Variants in MTFR1 observed in about 807,000 individuals in gnomAD.
MTFR1 encodes the protein chondrocyte protein with a poly-proline region.
A neutral mutation model predicts 38.8 loss-of-function variants in MTFR1; 28 were observed. The observed-to-expected ratio is 0.72, with a 90% confidence interval of 0.53 to 0.99. The LOEUF (loss-of-function observed/expected upper bound fraction) is 0.99, where lower values mean the gene tolerates loss of function less well. Among genes scored for constraint, MTFR1 ranks in the 50% least tolerant of loss-of-function variants. The probability of loss-of-function intolerance (pLI) is 0.00; values close to 1 mark genes in which losing one functional copy is unlikely to be tolerated. For missense variants in MTFR1, 358 were observed against 395.5 expected, an observed-to-expected ratio of 0.91 and a Z score of 0.81; for synonymous variants, 145 against 137.0, an observed-to-expected ratio of 1.06 and a Z score of -0.41.
intron 3 of MTFR1, among the ~76,000 whole-genome samples, chr8:65,688,887 G>A (rs1479612220): frequency 1.3e-5 from 2 of 152,028 alleles, no homozygotes; most frequent in African/African-American, 2.4e-5. Flanking sequence ...GCTCACACCT[G>A]TAATCCCAGC....
Position 65,655,969 on chromosome 8 carries a change from C to CATATATATATATATATA in MTFR1, c.-81+11185_-81+11186insATATATATATATATATA. Among the ~76,000 whole-genome samples, 87 of 56,472 alleles carry CATATATATATATATATA rather than the reference C, an allele frequency of 1.5e-3. 15 individuals are homozygous for CATATATATATATATATA. The highest frequency in any genetic ancestry group is 8.2e-3 in the African/African-American group (81 of 9,848). The allele number at this position is 56,472 out of a possible 152,430, so 37.0% of individuals were successfully genotyped here. A position where few individuals can be genotyped will look rare whatever the true frequency, so the allele number is the denominator to read the frequency against. On this transcript the variant is annotated intron_variant, in intron 1 of 7. Coordinates refer to ENST00000262146, the MANE Select transcript of MTFR1 (RefSeq NM_014637.4). The stretch of plus-strand genomic sequence containing the variant: ...AAAAAAAAATATATATATATATATA[C>CATATATATATATATATA]CATATATATATATATGGTAGTGGGT...
intron 3 of MTFR1, among the ~76,000 whole-genome samples, chr8:65,759,757 CCT>C (rs1346688067): frequency 6.6e-6 from 1 of 152,044 alleles, no homozygotes; most frequent in Non-Finnish European, 1.5e-5. Flanking sequence ...CATCCCAAAC[CCT>C]CTCTTTTGCT....
intron 3 of MTFR1, among the ~76,000 whole-genome samples, chr8:65,749,261 T>C (rs749668621): frequency 6.6e-6 from 1 of 152,228 alleles, no homozygotes; most frequent in Non-Finnish European, 1.5e-5. Flanking sequence ...CAAAGCCTAA[T>C]AGTAATGCAA....
chr8:65,729,038 ATAT>A (rs1163596591), intron 3 of MTFR1, among the ~76,000 whole-genome samples: 5 of 152,328 alleles, frequency 3.3e-5, no homozygotes, highest in African/African-American at 1.2e-4. Context: ...AAAATTTTCA[ATAT>A]TATAACAAAG....
intron 1 of MTFR1, among the ~76,000 whole-genome samples, chr8:65,660,744 T>C (rs1277045151): frequency 6.6e-6 from 1 of 152,194 alleles, no homozygotes; most frequent in Non-Finnish European, 1.5e-5. Context: ...ATACACTGTT[T>C]AAGAAAGGAG....
chr8:65,650,311 A>G (rs901589318), intron 1 of MTFR1, among the ~76,000 whole-genome samples: 30 of 146,150 alleles, frequency 2.1e-4, no homozygotes, highest in African/African-American at 7.1e-4. Context: ...AGCTGGGATT[A>G]CAGGCGCCCA....
intron 1 of MTFR1, among the ~76,000 whole-genome samples, chr8:65,664,035 C>T (rs1355035376): frequency 2.0e-5 from 3 of 152,010 alleles, no homozygotes; most frequent in East Asian, 1.9e-4. Context: ...AGGCTGGTCT[C>T]GAACTCCTGA....
At chr8:65,677,212 G>A (rs1218026706) in intron 2 of MTFR1, among the ~76,000 whole-genome samples, 2 of 151,108 alleles carry the variant, frequency 1.3e-5, no homozygotes, top group Non-Finnish European at 2.9e-5. Flanking sequence ...TGGGACTACA[G>A]GCGTGTGCCA....
chr8:65,664,549 T>C (rs1443298878), intron 1 of MTFR1, among the ~76,000 whole-genome samples: 2 of 152,242 alleles, frequency 1.3e-5, no homozygotes, highest in Non-Finnish European at 2.9e-5. Flanking sequence ...TGGACACTTA[T>C]GTGTATATTT....
At chr8:65,668,836 G>C (rs1460120011) in intron 1 of MTFR1, among the ~76,000 whole-genome samples, 1 of 152,100 alleles carries the variant, frequency 6.6e-6, no homozygotes, top group African/African-American at 2.4e-5. Flanking sequence ...TTATTGATGA[G>C]AGAGCAGTGT....
intron 6 of MTFR1, 102 bp downstream of exon 6, chr8:65,707,358 T>C: frequency 8.1e-7 from 1 of 1,235,030 alleles, no homozygotes; most frequent in South Asian, 1.5e-5. Flanking sequence ...CTGCCATGAA[T>C]AGTTTTTAGT....
downstream of MTFR1, among the ~76,000 whole-genome samples, chr8:65,715,468 C>G (rs1461984942): frequency 6.6e-6 from 1 of 151,522 alleles, no homozygotes; most frequent in African/African-American, 2.4e-5. Flanking sequence ...ACCTCCGCCA[C>G]CTGGGTTCAA....
chr8:65,668,587 A>C lies in MTFR1; in HGVS notation c.-80-1286A>C, dbSNP rs557023396. Among the ~76,000 whole-genome samples, 395 of 122,336 alleles carry C rather than the reference A, an allele frequency of 3.2e-3. 5 individuals are homozygous for C. In the South Asian group the frequency reaches 0.042, roughly 13 times the overall value. 80.3% of individuals were successfully genotyped at this position (122,336 alleles called of 152,430 possible). On this transcript the variant is annotated intron_variant, in intron 1 of 7. Coordinates refer to ENST00000262146, the MANE Select transcript of MTFR1 (RefSeq NM_014637.4). ...GCCCAGGTTTGAGTGCAGTGGCGCTATTTGCATCCTCCGCCTACTGGCTTC... is the reference window on the plus strand; with the variant it reads ...GCCCAGGTTTGAGTGCAGTGGCGCTCTTTGCATCCTCCGCCTACTGGCTTC...
chr8:65,688,405 A>G lies in MTFR1; in HGVS notation c.166-5239A>G, dbSNP rs563688936. ...ACAGAGTGAGATTTCATCTTAAACA[A>G]GCAAACAAAAAAAACCCCAGAAATT... On this transcript the variant is annotated intron_variant, in intron 3 of 7. Coordinates refer to ENST00000262146, the MANE Select transcript of MTFR1 (RefSeq NM_014637.4). Among the ~76,000 whole-genome samples, 3 of 151,144 alleles carry G rather than the reference A, an allele frequency of 2.0e-5. No individual in the cohort carries two copies. In the East Asian group the frequency reaches 5.9e-4, roughly 30 times the overall value.
chr8:65,684,960 T>C (rs1805027007), intron 3 of MTFR1, among the ~76,000 whole-genome samples: 1 of 152,090 alleles, frequency 6.6e-6, no homozygotes, highest in Non-Finnish European at 1.5e-5. Flanking sequence ...GCCGAGATCG[T>C]GCCAATGCAC....
chr8:65,734,721 G>A (rs1807050201), intron 3 of MTFR1: 1 of 829,916 alleles, frequency 1.2e-6, no homozygotes, highest in Middle Eastern at 2.3e-4. Context: ...AGTAACTTCA[G>A]GAGAAGTATG....
chr8:65,717,470 C>T (rs1447967662), intron 2 of MTFR1: 1 of 152,236 alleles, frequency 6.6e-6, no homozygotes, highest in Non-Finnish European at 1.5e-5. Flanking sequence ...TGGCTCAAAG[C>T]TGACCTCTCC....
intron 1 of MTFR1, among the ~76,000 whole-genome samples, chr8:65,656,500 A>AATTT (rs1432677910): frequency 4.6e-5 from 6 of 129,770 alleles, no homozygotes; most frequent in Non-Finnish European, 1.0e-4. Flanking sequence ...TGCCTGGCTA[A>AATTT]TTTTTTTTTT....
chr8:65,663,462 C>T (rs1380863850), intron 1 of MTFR1, among the ~76,000 whole-genome samples: 4 of 151,090 alleles, frequency 2.6e-5, no homozygotes, highest in Admixed American at 1.3e-4. Flanking sequence ...TGCTGACCTT[C>T]CCTCCACTAT....
Sources: allele counts gnomAD v4.1 joint callset (sites outside exome capture counted in the v4.1 genomes callset), GRCh38; gene constraint gnomAD v4.1.1; transcripts MANE v1.5; gene names NCBI Gene and HGNC (gene_info 2026-07-23, HGNC 2026-07-21).